The following ZNF454 variants were observed in gnomAD, a reference collection of about 807,000 sequenced individuals.
The protein encoded by ZNF454 is zinc finger protein 454.
A neutral mutation model predicts 48.2 loss-of-function variants in ZNF454; 30 were observed. The ratio of observed to expected loss-of-function variants is 0.62; its 90% CI spans 0.47 to 0.84. The LOEUF is 0.84. Ranked by LOEUF, ZNF454 falls within the 40% of genes least tolerant of loss-of-function variation. The pLI is 0.00. For missense variants in ZNF454, 510 were observed against 623.1 expected (o/e 0.82, Z 1.93); for synonymous variants, 204 against 211.4 (o/e 0.97, Z 0.30).
At chr5:178,979,424 C>T in the ZNF454 span, 1 of 152,172 alleles carries the variant, frequency 6.6e-6, no homozygotes, top group South Asian at 2.1e-4. Context: ...TCCCCCTGTA[C>T]CCAGAATGGT....
At chr5:178,989,692 AC>A in the ZNF454 span, 19 of 522,670 alleles carry the variant, frequency 3.6e-5, no homozygotes, top group Admixed American at 1.3e-4. Flanking sequence ...GCTGATGCAA[AC>A]TCAGAGCCTC....
At chr5:178,962,326 G>A (rs191354687) in intron 4 of ZNF454, among the ~76,000 whole-genome samples, 1 of 151,504 alleles carries the variant, frequency 6.6e-6, no homozygotes, top group East Asian at 2.0e-4. Context: ...GTAGTGCCTA[G>A]CTGAGGTGCC....
At chr5:178,983,399 G>A in the ZNF454 span, 1 of 715,346 alleles carries the variant, frequency 1.4e-6, no homozygotes, top group Non-Finnish European at 2.5e-6. Flanking sequence ...TGGCAGCCCA[G>A]GCAGGGGCAG....
chr5:178,986,089 T>C, the ZNF454 span: 1 of 1,583,080 alleles, frequency 6.3e-7, no homozygotes, highest in Non-Finnish European at 8.6e-7. Flanking sequence ...TTGCGGACAG[T>C]CCCCCTCCCT....
chr5:178,983,388 A>T, the ZNF454 span: 2 of 724,876 alleles, frequency 2.8e-6, no homozygotes, highest in Non-Finnish European at 4.9e-6. Flanking sequence ...AGAAGAGGGG[A>T]TGGCAGCCCA....
At chr5:178,986,398 G>A in the ZNF454 span, 187 of 1,613,916 alleles carry the variant, frequency 1.2e-4, no homozygotes, top group Admixed American at 3.2e-4. Flanking sequence ...CTCTCGGCCC[G>A]AGGCCCGGAC....
chr5:178,988,101 G>T, the ZNF454 span, among the ~76,000 whole-genome samples: 1 of 152,006 alleles, frequency 6.6e-6, no homozygotes, highest in Non-Finnish European at 1.5e-5. The surrounding 1 kb of genome is among the most constrained non-coding windows in gnomAD (Gnocchi z 6.0). Flanking sequence ...TTAAAAAATG[G>T]TTAAGGTGAT....
chr5:178,985,240 G>T, the ZNF454 span: 1 of 456,392 alleles, frequency 2.2e-6, no homozygotes, highest in Non-Finnish European at 4.4e-6. Context: ...TTGTAGAAGA[G>T]CATTTTGGTT....
At chr5:178,961,984 T>G (rs1760026865) in intron 4 of ZNF454, among the ~76,000 whole-genome samples, 1 of 151,784 alleles carries the variant, frequency 6.6e-6, no homozygotes, top group Non-Finnish European at 1.5e-5. Flanking sequence ...TTGCTTTTCA[T>G]GCCTTCTTAC....
chr5:178,954,747 G>A (rs987255014), intron 4 of ZNF454, among the ~76,000 whole-genome samples: 3 of 152,186 alleles, frequency 2.0e-5, no homozygotes, highest in Non-Finnish European at 2.9e-5. Context: ...GCCTGGCAGC[G>A]ACTAACCTAC....
the ZNF454 span, chr5:178,983,219 C>T: frequency 6.2e-7 from 1 of 1,611,122 alleles, no homozygotes; most frequent in Non-Finnish European, 8.5e-7. Context: ...TCATCCCCAC[C>T]ACCTGCAGGA....
At position 178,946,847 on chromosome 5, in the gene ZNF454, ATC is replaced by A; in HGVS notation, c.161-45_161-44del. ...AGGCTTTGTCTTTGCAGTGATTTTT[ATC>A]TCTCGTATAAACAGATGTGGTTCAT... On this transcript the variant is annotated intron_variant, in intron 3 of 4. Coordinates refer to ENST00000519564, the MANE Select transcript of ZNF454 (RefSeq NM_001178089.3). The surrounding 1 kb of genome is among the most constrained non-coding windows in gnomAD (Gnocchi z 4.5). 2 of 1,527,240 alleles carry A rather than the reference ATC, an allele frequency of 1.3e-6. No homozygotes were observed. The highest frequency in any genetic ancestry group is 2.2e-5 in the East Asian group (1 of 44,456). The allele number at this position is 1,527,240 out of a possible 1,614,324, so 94.6% of individuals were successfully genotyped here. A position where few individuals can be genotyped will look rare whatever the true frequency, so the allele number is the denominator to read the frequency against.
rs778885859 is a variant in ZNF454 at position 178,964,869 on chromosome 5, C to T, written c.465C>T (p.Ser155=). ...CCCCATCACAGGAATGTGATGAATC[C>T]GGGAGCACTATGAGCTCATCTCTTC... is the stretch of plus-strand genomic sequence containing the variant. The part of the protein sequence containing the change: ...PNTPSQECDE[S]GSTMSSSLHS... The change falls in exon 5 of 5, where the codon TCC becomes TCT. Residue 155 remains serine (S), a synonymous_variant. Transcript: ENST00000519564. 8 of 1,614,050 alleles carry T rather than the reference C, an allele frequency of 5.0e-6. No individual in the cohort carries two copies. The highest frequency in any genetic ancestry group is 4.5e-5 in the East Asian group (2 of 44,894).
In ZNF454 at chr5:178,965,963, G is replaced by T; in HGVS notation, c.1559G>T (p.Gly520Val). ...ATTCAGCATCAGAGACATCATATTG[G>T]AGAGAAGTGATATGAATGCAGTTTG... is the stretch of plus-strand genomic sequence containing the variant. ...NLIQHQRHHI[G>V]EK The change falls in exon 5 of 5, where the codon GGA becomes GTA. Residue 520 changes from glycine to valine, a missense_variant. Transcript: ENST00000519564. The surrounding 1 kb of genome is among the most constrained non-coding windows in gnomAD (Gnocchi z 5.2). 1 of 1,569,402 alleles carries T rather than the reference G, an allele frequency of 6.4e-7. No individual in the cohort carries two copies. Among genetic ancestry groups the T allele is most frequent in the South Asian group, 1.2e-5 (1 of 83,860 alleles).
At chr5:178,988,339 G>T in the ZNF454 span, among the ~76,000 whole-genome samples, 1 of 152,204 alleles carries the variant, frequency 6.6e-6, no homozygotes, top group African/African-American at 2.4e-5. This position sits in a 1 kb window ranked among gnomAD's most constrained non-coding sequence, Gnocchi z 6.0. Flanking sequence ...CGGAGAGAAG[G>T]TGGTGAGTGA....
chr5:178,943,529 C>T (rs143485273), intron 2 of ZNF454, among the ~76,000 whole-genome samples: 1,694 of 152,298 alleles, frequency 0.011, 16 homozygotes, highest in Non-Finnish European at 0.017. Context: ...AAGGGACATA[C>T]ATCCAAACTA....
chr5:178,982,248 A>G, the ZNF454 span, among the ~76,000 whole-genome samples: 1 of 152,234 alleles, frequency 6.6e-6, no homozygotes, highest in Non-Finnish European at 1.5e-5. Context: ...TAAATGATGC[A>G]GCAATGGGCT....
the ZNF454 span, among the ~76,000 whole-genome samples, chr5:178,972,634 C>T: frequency 1.3e-5 from 2 of 152,290 alleles, no homozygotes; most frequent in Admixed American, 6.5e-5. Flanking sequence ...TAAGGTCCCA[C>T]GCAGGCAAAC....
Position 178,964,799 on chromosome 5 carries a change from G to T in ZNF454, c.395G>T (p.Gly132Val). 2 of 1,614,160 alleles carry T rather than the reference G, an allele frequency of 1.2e-6. No homozygotes were observed. Among genetic ancestry groups the T allele is most frequent in the Non-Finnish European group, 1.7e-6 (2 of 1,180,024 alleles). The change falls in exon 5 of 5, where the codon GGC (glycine) becomes GTC (valine). Residue 132 changes from glycine (G) to valine (V), a missense_variant. By Grantham distance (109) the Gly-to-Val change is moderately radical (BLOSUM62 -3). This residue lies in a region of ZNF454 where 354 missense variants were observed against 408.9 expected (regional missense o/e 0.87). Coordinates refer to ENST00000519564, the MANE Select transcript of ZNF454 (RefSeq NM_001178089.3). ...CASLLEWQCG[G>V]QEISLQRVVL... ...AGCCTGCTGGAGTGGCAATGTGGAG[G>T]CCAGGAGATCAGTTTGCAGCGAGTG...
Sources: gnomAD v4.1 joint callset for allele counts (sites outside exome capture counted in the v4.1 genomes callset) on GRCh38, gnomAD v4.1.1 for gene constraint, gnomAD v4.1.1 regional missense constraint, Gnocchi (gnomAD v3.1) non-coding constraint, MANE v1.5 for transcripts, NCBI Gene and HGNC (gene_info 2026-07-23, HGNC 2026-07-21) for gene names.